TYRO3: variants seen among roughly 807,000 people sequenced by gnomAD.
The protein encoded by TYRO3 is TYRO3 protein tyrosine kinase, also known as tyrosine-protein kinase receptor TYRO3.
A neutral mutation model predicts 95.2 loss-of-function variants in TYRO3; 38 were observed. The ratio of observed to expected loss-of-function variants is 0.40; its 90% CI spans 0.31 to 0.52. The LOEUF (loss-of-function observed/expected upper bound fraction) is 0.52, where lower values mean the gene tolerates loss of function less well. Ranked by LOEUF, TYRO3 falls within the 20% of genes least tolerant of loss-of-function variation. The probability of loss-of-function intolerance (pLI) is 0.56; values close to 1 mark genes in which losing one functional copy is unlikely to be tolerated. For synonymous variants in TYRO3, 367 were observed against 432.9 expected (o/e 0.85, Z 1.89); for missense variants, 812 against 1,116.4 (o/e 0.73, Z 3.89).
At position 41,571,061 on chromosome 15, in the gene TYRO3, G is replaced by A. The variant is rs2055789378; in HGVS notation, c.1603G>A (p.Ala535Thr). 3 of 1,614,096 alleles carry A rather than the reference G, an allele frequency of 1.9e-6. No homozygotes were observed. The highest frequency in any genetic ancestry group is 1.3e-5 in the African/African-American group (1 of 75,044). ...GKGEFGSVRE[A>T]QLKQEDGSFV... ...AGGAGAGTTTGGTTCAGTGCGGGAG[G>A]CCCAGCTGAAGCAAGAGGATGGCTC... is the stretch of plus-strand genomic sequence containing the variant. The change falls in exon 13 of 19, where the codon GCC becomes ACC. Residue 535 changes from alanine to threonine, a missense_variant. Coordinates refer to ENST00000263798, the MANE Select transcript of TYRO3 (RefSeq NM_006293.4).
intron 7 of TYRO3, among the ~76,000 whole-genome samples, 165 bp downstream of exon 7, chr15:41,567,702 TG>T (rs1238723329): frequency 1.3e-5 from 2 of 152,192 alleles, no homozygotes; most frequent in Non-Finnish European, 2.9e-5. Context: ...TTCTTGTAGG[TG>T]GAACAGATAA....
At chr15:41,564,977 C>CCTCT (rs764491539) in intron 5 of TYRO3, 49 bp from the exon 6 acceptor site, 2 of 1,286,064 alleles carry the variant, frequency 1.6e-6, no homozygotes, top group Non-Finnish European at 2.2e-6. Flanking sequence ...CCTCCTGCTG[C>CCTCT]CTCTGCTCAT....
intron 15 of TYRO3, 116 bp from the exon 16 acceptor site, chr15:41,572,886 C>A: frequency 1.2e-6 from 1 of 820,372 alleles, no homozygotes. Context: ...CCATCCCCTT[C>A]CTTCCTTCCA....
intron 2 of TYRO3, 35 bp from the exon 3 acceptor site, chr15:41,561,504 C>G (rs1212407468): frequency 6.4e-7 from 1 of 1,550,488 alleles, no homozygotes; most frequent in South Asian, 1.2e-5. Context: ...GCCGCCCTTG[C>G]CCTCGGAAGC....
At chr15:41,564,108 T>G in intron 4 of TYRO3, 76 bp from the exon 5 acceptor site, 2 of 1,362,284 alleles carry the variant, frequency 1.5e-6, no homozygotes, top group Non-Finnish European at 2.1e-6. Flanking sequence ...GACCAGAGCC[T>G]GAGTATTCCC....
intron 18 of TYRO3, chr15:41,574,533 G>T (rs1295074857): frequency 2.4e-6 from 1 of 412,568 alleles, no homozygotes; most frequent in Non-Finnish European, 4.9e-6. Flanking sequence ...GAGAGATTAA[G>T]TAACATGGCC....
At chr15:41,570,933 GC>G in intron 12 of TYRO3, 104 bp from the exon 13 acceptor site, 1 of 1,294,268 alleles carries the variant, frequency 7.7e-7, no homozygotes, top group Non-Finnish European at 1.1e-6. Flanking sequence ...TTCTCCACTG[GC>G]CCCAGAGTCT....
intron 4 of TYRO3, 68 bp downstream of exon 4, chr15:41,562,786 A>G: frequency 1.0e-5 from 15 of 1,502,506 alleles, no homozygotes; most frequent in Non-Finnish European, 1.3e-5. Context: ...TGAAGCTGGC[A>G]GTTTCAGCCA....
In TYRO3 at chr15:41,573,733, G is replaced by A; in HGVS notation, c.2200G>A (p.Ala734Thr). ...EIMTRGQTPY[A>T]GIENAEIYNY... ...CATGACACGTGGGCAGACGCCATAT[G>A]CTGGCATCGAAAACGCTGAGATTTA... Residue 734 changes from alanine to threonine, a missense_variant, in exon 18 of 19, where the codon GCT becomes ACT. Transcript: ENST00000263798. 1.2e-6 allele frequency: 2 copies of A among 1,614,284 alleles called. No individual in the cohort carries two copies. Among genetic ancestry groups the A allele is most frequent in the Non-Finnish European group, 1.7e-6 (2 of 1,180,054 alleles).
chr15:41,564,309 G>A, intron 5 of TYRO3, 39 bp downstream of exon 5: 1 of 1,585,422 alleles, frequency 6.3e-7, no homozygotes, highest in Non-Finnish European at 8.7e-7. Flanking sequence ...GATGAGGCCA[G>A]GGGCATTCCC....
In TYRO3 at chr15:41,571,679, A is replaced by G. The variant is rs745327921; in HGVS notation, c.1745A>G (p.Lys582Arg). The G allele has an allele frequency of 1.4e-5, 22 of 1,609,034 alleles. No homozygotes were observed. Among genetic ancestry groups the G allele is most frequent in the South Asian group, 3.3e-5 (3 of 90,842 alleles). Reference protein sequence around the residue: ...MKEFDHPHVAKLVGVSLRSRA... With the variant: ...MKEFDHPHVARLVGVSLRSRA... Reference sequence around the variant, plus strand: ...GAGTTTGACCATCCACACGTGGCCAAACTTGTTGGTGAGCCCATTTTTGGG... The same window carrying G: ...GAGTTTGACCATCCACACGTGGCCAGACTTGTTGGTGAGCCCATTTTTGGG... Residue 582 changes from lysine to arginine, a missense_variant, in exon 14 of 19, where the codon AAA becomes AGA. Lys to Arg is a conservative substitution (Grantham distance 26). Coordinates refer to ENST00000263798, the MANE Select transcript of TYRO3 (RefSeq NM_006293.4).
At position 41,583,574 on chromosome 15, in the gene TYRO3, A is replaced by G. The variant is rs1039769843; in HGVS notation, c.*5298A>G. The stretch of plus-strand genomic sequence containing the variant: ...ACACTAATTGAATTACTATAAATGT[A>G]TAATGTTTTCCTATATGTTCGTGGT... On this transcript the variant is annotated 3_prime_UTR_variant, in exon 19 of 19. Transcript: ENST00000263798. 2 of 152,204 alleles carry G rather than the reference A, an allele frequency of 1.3e-5. No homozygotes were observed. The highest frequency in any genetic ancestry group is 2.9e-5 in the Non-Finnish European group (2 of 68,038). 9.4% of individuals were successfully genotyped at this position (152,204 alleles called of 1,614,324 possible).
rs1401452202 is a variant in TYRO3, at chr15:41,573,669, T to C, written c.2146-10T>C. 1 of 1,182,716 alleles carries C rather than the reference T, an allele frequency of 8.5e-7. No individual in the cohort carries two copies. The highest frequency in any genetic ancestry group is 1.3e-5 in the South Asian group (1 of 75,656). 73.3% of individuals were successfully genotyped at this position (1,182,716 alleles called of 1,614,324 possible). ...TGACAGCTTCTCCCCCAACCTCGAT[T>C]CTGTCCCAGTGGGCGTTCGGGGTGA... On this transcript the variant is annotated splice_polypyrimidine_tract_variant and intron_variant, in intron 17 of 18. Coordinates refer to ENST00000263798, the MANE Select transcript of TYRO3 (RefSeq NM_006293.4).
At chr15:41,564,657 G>A (rs1000796718) in intron 5 of TYRO3, 1 of 370,918 alleles carries the variant, frequency 2.7e-6, no homozygotes, top group Non-Finnish European at 5.1e-6. Flanking sequence ...TACAGAGAGA[G>A]GGGGAGGGAG....
intron 1 of TYRO3, 126 bp downstream of exon 1, chr15:41,559,507 T>A: frequency 2.8e-5 from 6 of 216,154 alleles, no homozygotes; most frequent in East Asian, 1.1e-4. Flanking sequence ...AGGCCGAGGC[T>A]CGGAGCCGGG....
rs758691292 is a variant in TYRO3 at position 41,573,667 on chromosome 15, A to C, written c.2146-12A>C. 5.7e-6 allele frequency: 7 copies of C among 1,224,820 alleles called. No homozygotes were observed. Among genetic ancestry groups the C allele is most frequent in the Non-Finnish European group, 7.9e-6 (7 of 885,348 alleles). 75.9% of individuals were successfully genotyped at this position (1,224,820 alleles called of 1,614,324 possible). A position where few individuals can be genotyped will look rare whatever the true frequency, so the allele number is the denominator to read the frequency against. ...AGTGACAGCTTCTCCCCCAACCTCG[A>C]TTCTGTCCCAGTGGGCGTTCGGGGT... is the stretch of plus-strand genomic sequence containing the variant. On this transcript the variant is annotated splice_polypyrimidine_tract_variant and intron_variant, in intron 17 of 18. Transcript: ENST00000263798.
At chr15:41,560,905 G>A (rs2055644109) in intron 1 of TYRO3, among the ~76,000 whole-genome samples, 1 of 152,222 alleles carries the variant, frequency 6.6e-6, no homozygotes, top group Non-Finnish European at 1.5e-5. Context: ...ATGGGGAAGA[G>A]GTCCTTAGAG....
In TYRO3 at chr15:41,578,329, C is replaced by T. The variant is rs1181584122; in HGVS notation, c.*53C>T. 2.5e-6 allele frequency: 4 copies of T among 1,606,242 alleles called. No individual in the cohort carries two copies. The African/African-American group carries it at 4.0e-5, about 16-fold the overall frequency. ...TTGGCCGGCTCTGGTGGCCACTGAG[C>T]TGGCTGACTAAGCCCCGTCTGACCC... On this transcript the variant is annotated 3_prime_UTR_variant, in exon 19 of 19. Coordinates refer to ENST00000263798, the MANE Select transcript of TYRO3 (RefSeq NM_006293.4).
At chr15:41,575,488 G>C (rs1566904179) in intron 18 of TYRO3, among the ~76,000 whole-genome samples, 2 of 152,238 alleles carry the variant, frequency 1.3e-5, no homozygotes, top group African/African-American at 2.4e-5. Context: ...GCGCCAGTTG[G>C]CTCCTAGCAC....
Sources: gnomAD v4.1 joint callset for allele counts (sites outside exome capture counted in the v4.1 genomes callset) on GRCh38, gnomAD v4.1.1 for gene constraint, MANE v1.5 for transcripts, NCBI Gene and HGNC (gene_info 2026-07-23, HGNC 2026-07-21) for gene names.